The following TMEM117 variants were observed in gnomAD, a reference collection of about 807,000 sequenced individuals.
TMEM117 encodes transmembrane protein 117.
TMEM117 carries 27 observed loss-of-function variants against 52.4 expected under a neutral mutation model. The ratio of observed to expected loss-of-function variants is 0.51; its 90% confidence interval spans 0.38 to 0.71. The LOEUF (loss-of-function observed/expected upper bound fraction) is 0.71, where lower values mean the gene tolerates loss of function less well. Among genes scored for constraint, TMEM117 ranks in the 30% least tolerant of loss-of-function variants. The pLI is 0.00. For missense variants in TMEM117, 556 were observed against 630.5 expected, an observed-to-expected ratio of 0.88 and a Z score of 1.26; for synonymous variants, 215 against 206.3, an observed-to-expected ratio of 1.04 and a Z score of -0.36.
chr12:44,153,063 G>A (rs1162667181), intron 4 of TMEM117, among the ~76,000 whole-genome samples: 1 of 151,566 alleles, frequency 6.6e-6, no homozygotes, highest in African/African-American at 2.4e-5. Flanking sequence ...TACTACAAAA[G>A]AAGCACATAG....
chr12:44,151,677 G>A (rs1380181697), intron 4 of TMEM117, among the ~76,000 whole-genome samples: 1 of 150,346 alleles, frequency 6.7e-6, no homozygotes, highest in African/African-American at 2.4e-5. Context: ...AATGAGAGCT[G>A]GCTGTTAATA....
chr12:43,940,402 G>C (rs1386657350), intron 2 of TMEM117, among the ~76,000 whole-genome samples: 1 of 152,158 alleles, frequency 6.6e-6, no homozygotes, highest in African/African-American at 2.4e-5. Flanking sequence ...CAGTGAGGTA[G>C]AAAGGAAATT....
In TMEM117 at chr12:44,291,209, G is replaced by A. The variant is rs374571333; in HGVS notation, c.609-8371G>A. Among the ~76,000 whole-genome samples, 10 of 151,894 alleles carry A rather than the reference G, an allele frequency of 6.6e-5. No individual in the cohort carries two copies. In the East Asian group the frequency reaches 7.7e-4, roughly 12 times the overall value. On this transcript the variant is annotated intron_variant, in intron 5 of 7. Coordinates refer to ENST00000266534, the MANE Select transcript of TMEM117 (RefSeq NM_032256.3). ...TCAGTGTACAGATCTTTCACCTCTC[G>A]TTAAATTTATTTGCAAGAATTTTAT...
At chr12:43,895,752 A>G (rs2137490055) in intron 2 of TMEM117, among the ~76,000 whole-genome samples, 1 of 152,356 alleles carries the variant, frequency 6.6e-6, no homozygotes, top group Non-Finnish European at 1.5e-5. Flanking sequence ...TCCGTACACC[A>G]TGCTAAAGGT....
At chr12:44,227,237 C>T (rs55633842) in intron 5 of TMEM117, among the ~76,000 whole-genome samples, 15,771 of 152,106 alleles carry the variant, frequency 0.1, 926 homozygotes, top group Middle Eastern at 0.2. Context: ...CTTTGGGAGT[C>T]CAAGGCAGGC....
chr12:44,155,046 A>G (rs1948807838), intron 4 of TMEM117, among the ~76,000 whole-genome samples: 1 of 152,102 alleles, frequency 6.6e-6, no homozygotes, highest in Admixed American at 6.6e-5. Context: ...ATTTTTGTCC[A>G]AATATTTCTT....
At chr12:44,106,010 G>T (rs1048667105) in intron 3 of TMEM117, among the ~76,000 whole-genome samples, 1 of 151,920 alleles carries the variant, frequency 6.6e-6, no homozygotes, top group Non-Finnish European at 1.5e-5. Flanking sequence ...TGTCCATACC[G>T]AGCCTCTAGC....
intron 2 of TMEM117, among the ~76,000 whole-genome samples, chr12:43,933,632 C>T (rs572205799): frequency 1.1e-4 from 16 of 152,074 alleles, no homozygotes; most frequent in South Asian, 4.1e-4. Flanking sequence ...GATGTGATCT[C>T]GGCTCACTGC....
At chr12:44,212,055 A>T (rs1167253370) in intron 5 of TMEM117, among the ~76,000 whole-genome samples, 3 of 152,222 alleles carry the variant, frequency 2.0e-5, no homozygotes, top group Non-Finnish European at 1.5e-5. Context: ...ATCCCAAGAA[A>T]AGTTATGTAA....
intron 5 of TMEM117, among the ~76,000 whole-genome samples, chr12:44,232,946 A>G (rs548370858): frequency 6.6e-6 from 1 of 151,402 alleles, no homozygotes; most frequent in South Asian, 2.1e-4. Context: ...TTTTGTACAT[A>G]AGAATCCACT....
Position 43,969,619 on chromosome 12 carries a change from A to G in TMEM117, c.410+25277A>G, listed in dbSNP as rs566970512. Among the ~76,000 whole-genome samples, 16 of 152,148 alleles carry G rather than the reference A, an allele frequency of 1.1e-4. No homozygotes were observed. The East Asian group carries it at 2.9e-3, about 28-fold the overall frequency. On this transcript the variant is annotated intron_variant, in intron 3 of 7. Coordinates refer to ENST00000266534, the MANE Select transcript of TMEM117 (RefSeq NM_032256.3). ...CAACTTGTACTTCTTCCATTCTGTC[A>G]TCTGGCAACTTGCTGAATATTCCTT...
chr12:43,970,358 G>A (rs915284492), intron 3 of TMEM117, among the ~76,000 whole-genome samples: 13 of 151,444 alleles, frequency 8.6e-5, no homozygotes, highest in Admixed American at 2.0e-4. Context: ...GCTCCATCTC[G>A]GCTCACTGCA....
chr12:44,034,256 T>C (rs1946677756), intron 3 of TMEM117, among the ~76,000 whole-genome samples: 2 of 152,174 alleles, frequency 1.3e-5, no homozygotes, highest in Non-Finnish European at 1.5e-5. Flanking sequence ...CATCCTTTTA[T>C]ATTAGTAGCC....
At chr12:43,950,868 G>A (rs764887060) in intron 3 of TMEM117, among the ~76,000 whole-genome samples, 9 of 152,202 alleles carry the variant, frequency 5.9e-5, no homozygotes, top group South Asian at 4.1e-4. Context: ...CAAGATGGCC[G>A]AATAGAAACA....
At chr12:43,799,537 T>C in the TMEM117 span, 2 of 1,245,402 alleles carry the variant, frequency 1.6e-6, no homozygotes, top group East Asian at 2.6e-5. Flanking sequence ...TCAGTAATTC[T>C]CTAGAAGTAA....
At chr12:44,092,568 C>T (rs563130743) in intron 3 of TMEM117, among the ~76,000 whole-genome samples, 44 of 152,296 alleles carry the variant, frequency 2.9e-4, no homozygotes, top group African/African-American at 1.0e-3. Flanking sequence ...CAACACCTCT[C>T]GCCCACACAT....
At chr12:44,090,824 A>C (rs1447084800) in intron 3 of TMEM117, among the ~76,000 whole-genome samples, 1 of 134,798 alleles carries the variant, frequency 7.4e-6, no homozygotes, top group African/African-American at 3.1e-5. Flanking sequence ...CTAATTCTTA[A>C]TCCTGTATTT....
rs1347154325 is a variant in TMEM117 at position 43,843,462 on chromosome 12, AAG to A, written c.-28-1159_-28-1158del. Among the ~76,000 whole-genome samples the A allele has an allele frequency of 2.0e-5, 3 of 152,152 alleles. 1 individual carries two copies. Among genetic ancestry groups the A allele is most frequent in the Admixed American group, 2.0e-4 (3 of 15,280 alleles). ...TTCTTTATGGGCAGGCCGGTTCCCAAAGAGGGGAGAAGGAGGAGCTAAGCAAG... is the reference window on the plus strand; with the variant it reads ...TTCTTTATGGGCAGGCCGGTTCCCAAAGGGGAGAAGGAGGAGCTAAGCAAG... On this transcript the variant is annotated intron_variant, in intron 1 of 7. Coordinates refer to ENST00000266534, the MANE Select transcript of TMEM117 (RefSeq NM_032256.3).
intron 4 of TMEM117, among the ~76,000 whole-genome samples, chr12:44,170,528 T>G (rs1949031035): frequency 6.6e-6 from 1 of 152,180 alleles, no homozygotes; most frequent in African/African-American, 2.4e-5. Context: ...AGTTTTGAAA[T>G]TAGAAAATGT....
Sources: allele counts gnomAD v4.1 joint callset (sites outside exome capture counted in the v4.1 genomes callset), GRCh38; gene constraint gnomAD v4.1.1; transcripts MANE v1.5; gene names NCBI Gene and HGNC (gene_info 2026-07-23, HGNC 2026-07-21).